Variants in KCNAB1 observed in about 807,000 individuals in gnomAD.
KCNAB1 encodes the protein potassium voltage-gated channel subfamily A regulatory beta subunit 1.
KCNAB1 carries 35 observed loss-of-function variants against 64.6 expected under a neutral mutation model. The observed-to-expected ratio is 0.54, with a 90% CI of 0.41 to 0.72. The LOEUF (loss-of-function observed/expected upper bound fraction) is 0.72. Among genes scored for constraint, KCNAB1 ranks in the 30% least tolerant of loss-of-function variants. The probability of loss-of-function intolerance (pLI) is 0.00; values close to 1 mark genes in which losing one functional copy is unlikely to be tolerated. For missense variants in KCNAB1, 401 were observed against 512.9 expected (o/e 0.78, Z 2.11); for synonymous variants, 177 against 183.8 (o/e 0.96, Z 0.30).
intron 1 of KCNAB1, among the ~76,000 whole-genome samples, chr3:156,189,178 C>T (rs763941123): frequency 6.6e-6 from 1 of 152,218 alleles, no homozygotes; most frequent in African/African-American, 2.4e-5. Flanking sequence ...GAGCTGTAAA[C>T]TTATAATCCC....
Position 156,137,738 on chromosome 3 carries a change from T to A in KCNAB1, c.275+16852T>A, listed in dbSNP as rs564876684. Among the ~76,000 whole-genome samples the A allele has an allele frequency of 7.2e-4, 108 of 149,504 alleles. 4 individuals carry two copies. In the South Asian group the frequency reaches 0.022, roughly 31 times the overall value. Reference sequence around the variant, plus strand: ...TTTTTTTTTTTTTTTGTATTTTTAGTAGAGACGAGGTTTCACCATGTTAGC... The same window carrying A: ...TTTTTTTTTTTTTTTGTATTTTTAGAAGAGACGAGGTTTCACCATGTTAGC... On this transcript the variant is annotated intron_variant, in intron 1 of 13. Coordinates refer to ENST00000490337, the MANE Select transcript of KCNAB1 (RefSeq NM_172160.3).
At chr3:156,468,104 A>G (rs1014118992) in intron 7 of KCNAB1, among the ~76,000 whole-genome samples, 5 of 152,060 alleles carry the variant, frequency 3.3e-5, no homozygotes, top group Non-Finnish European at 7.4e-5. Flanking sequence ...TTCATTGTGA[A>G]CTTTTTTCTC....
At chr3:156,266,407 C>G (rs548263788) in intron 1 of KCNAB1, among the ~76,000 whole-genome samples, 6 of 152,314 alleles carry the variant, frequency 3.9e-5, no homozygotes, top group African/African-American at 9.6e-5. Context: ...AGTTATGTCA[C>G]TATCCCAGAG....
intron 1 of KCNAB1, among the ~76,000 whole-genome samples, chr3:156,416,194 C>G (rs1227208378): frequency 6.6e-6 from 1 of 152,200 alleles, no homozygotes; most frequent in Admixed American, 6.5e-5. Context: ...AGCTCCTCTT[C>G]TTACCTTCCT....
At chr3:156,261,296 G>T (rs570658405) in intron 1 of KCNAB1, among the ~76,000 whole-genome samples, 1 of 151,434 alleles carries the variant, frequency 6.6e-6, no homozygotes, top group Non-Finnish European at 1.5e-5. Context: ...TCTTTTATTG[G>T]TGTCATAGCT....
chr3:156,265,066 G>A (rs1445840565), intron 1 of KCNAB1, among the ~76,000 whole-genome samples: 2 of 152,140 alleles, frequency 1.3e-5, no homozygotes, highest in East Asian at 1.9e-4. Context: ...ATTCAGAATT[G>A]AATCTGAGAT....
At chr3:156,498,335 G>T (rs1041247908) in intron 8 of KCNAB1, among the ~76,000 whole-genome samples, 1 of 152,182 alleles carries the variant, frequency 6.6e-6, no homozygotes, top group Non-Finnish European at 1.5e-5. Context: ...ATATTGAATT[G>T]TAACTCCCAC....
intron 1 of KCNAB1, among the ~76,000 whole-genome samples, chr3:156,339,741 G>T (rs1457686016): frequency 1.3e-5 from 2 of 152,178 alleles, no homozygotes; most frequent in Non-Finnish European, 1.5e-5. Context: ...TCTGGCCATT[G>T]CACATCTGTG....
chr3:156,219,607 A>G (rs1326362545), intron 1 of KCNAB1, among the ~76,000 whole-genome samples: 1 of 152,052 alleles, frequency 6.6e-6, no homozygotes, highest in Non-Finnish European at 1.5e-5. Context: ...AAGCTCAAAG[A>G]ACATGTGGGA....
intron 1 of KCNAB1, among the ~76,000 whole-genome samples, chr3:156,131,384 A>G (rs999416165): frequency 2.6e-5 from 4 of 152,224 alleles, no homozygotes; most frequent in Non-Finnish European, 5.9e-5. Context: ...TGGTACACAC[A>G]TTGTGACCTA....
intron 1 of KCNAB1, among the ~76,000 whole-genome samples, chr3:156,419,551 A>G (rs1394461148): frequency 6.6e-6 from 1 of 152,068 alleles, no homozygotes; most frequent in African/African-American, 2.4e-5. Context: ...TCTCTGAACT[A>G]TAGAGACTTA....
At position 156,508,470 on chromosome 3, in the gene KCNAB1, A is replaced by T. The variant is rs1716961198; in HGVS notation, c.659-5894A>T. 6.6e-6 allele frequency among the ~76,000 whole-genome samples: 1 copy of T among 152,238 alleles called. No individual in the cohort carries two copies. Among genetic ancestry groups the T allele is most frequent in the Non-Finnish European group, 1.5e-5 (1 of 68,040 alleles). ...TCCAATTTAGAAAATTAAAATATTG[A>T]TCAACCAAAATTGTTTTCACTCAGA... On this transcript the variant is annotated intron_variant, in intron 8 of 13. Coordinates refer to ENST00000490337, the MANE Select transcript of KCNAB1 (RefSeq NM_172160.3). This position sits in a 1 kb window ranked among gnomAD's most constrained non-coding sequence, Gnocchi z 4.1.
chr3:156,229,622 G>GT (rs1716399393), intron 1 of KCNAB1, among the ~76,000 whole-genome samples: 1 of 152,176 alleles, frequency 6.6e-6, no homozygotes, highest in African/African-American at 2.4e-5. Flanking sequence ...TCCTAAGCTG[G>GT]TAAGAAGATG....
At chr3:156,128,029 G>T (rs1048328468) in intron 1 of KCNAB1, among the ~76,000 whole-genome samples, 3 of 152,086 alleles carry the variant, frequency 2.0e-5, no homozygotes, top group Non-Finnish European at 4.4e-5. Context: ...ACTGGACGTT[G>T]GTAAATTAGA....
chr3:156,317,913 C>T (rs553365618), intron 1 of KCNAB1, among the ~76,000 whole-genome samples: 8 of 151,826 alleles, frequency 5.3e-5, no homozygotes, highest in Admixed American at 5.2e-4. Context: ...ATATTGCTTC[C>T]ATTAAAGCAA....
rs1200725384 is a variant in KCNAB1 at position 156,327,286 on chromosome 3, G to A, written c.276-94330G>A. On this transcript the variant is annotated intron_variant, in intron 1 of 13. Transcript: ENST00000490337. ...AATAGACAGAAGTGCATGTGTTGAG[G>A]CCATACAATCCAAATGCCTTGTCTT... 2.0e-5 allele frequency among the ~76,000 whole-genome samples: 3 copies of A among 152,194 alleles called. No individual in the cohort carries two copies. The East Asian group carries it at 5.8e-4, about 29-fold the overall frequency.
At chr3:156,191,062 T>G (rs1713534663) in intron 1 of KCNAB1, among the ~76,000 whole-genome samples, 1 of 152,228 alleles carries the variant, frequency 6.6e-6, no homozygotes, top group South Asian at 2.1e-4. Flanking sequence ...GAGCAGAGGC[T>G]CATAATTTGA....
intron 1 of KCNAB1, among the ~76,000 whole-genome samples, chr3:156,360,621 G>T (rs1174350093): frequency 2.6e-5 from 4 of 151,918 alleles, no homozygotes; most frequent in Non-Finnish European, 5.9e-5. Flanking sequence ...GGCTTGAGGA[G>T]GGAGCATTGC....
chr3:156,375,832 G>A (rs71310473), intron 1 of KCNAB1, among the ~76,000 whole-genome samples: 1 of 98,714 alleles, frequency 1.0e-5, no homozygotes, highest in Admixed American at 8.6e-5. Flanking sequence ...TCTTTTTTTT[G>A]TGTGTGTGTT....
Sources: gnomAD v4.1 joint callset for allele counts (sites outside exome capture counted in the v4.1 genomes callset) on GRCh38, gnomAD v4.1.1 for gene constraint, Gnocchi (gnomAD v3.1) non-coding constraint, MANE v1.5 for transcripts, NCBI Gene and HGNC (gene_info 2026-07-23, HGNC 2026-07-21) for gene names.